SP3: variants seen among roughly 807,000 people sequenced by gnomAD.
The protein encoded by SP3 is transcription factor Sp3.
In SP3, 10 loss-of-function variants were observed where a neutral mutation model predicts 70.3. That is an observed-to-expected ratio of 0.14 (90% CI 0.09 to 0.24). The LOEUF (loss-of-function observed/expected upper bound fraction) is 0.24. Among genes scored for constraint, SP3 ranks in the 10% least tolerant of loss-of-function variants. The probability of loss-of-function intolerance (pLI) is 1.00; values close to 1 mark genes in which losing one functional copy is unlikely to be tolerated. For synonymous variants in SP3, 402 were observed against 333.5 expected, an observed-to-expected ratio of 1.21 and a Z score of -2.24; for missense variants, 825 against 914.6, an observed-to-expected ratio of 0.90 and a Z score of 1.26.
rs1161070302 is a variant in SP3 at position 173,903,121 on chromosome 2, ACT to A, written c.*6818_*6819del. Among the ~76,000 whole-genome samples the A allele has an allele frequency of 5.3e-5, 8 of 152,296 alleles. No homozygotes were observed. The highest frequency in any genetic ancestry group is 1.9e-4 in the African/African-American group (8 of 41,560). On this transcript the variant is annotated 3_prime_UTR_variant, in exon 7 of 7. Coordinates refer to ENST00000310015, the MANE Select transcript of SP3 (RefSeq NM_003111.5). Reference sequence around the variant, plus strand: ...CAAGGTGACTTAACAAGGTGAATTAACTCATTAATACAACAATAGTTGAAGAC... The same window carrying A: ...CAAGGTGACTTAACAAGGTGAATTAACATTAATACAACAATAGTTGAAGAC...
chr2:173,961,735 C>CT (rs1285747707), intron 3 of SP3, among the ~76,000 whole-genome samples: 1 of 152,120 alleles, frequency 6.6e-6, no homozygotes, highest in Non-Finnish European at 1.5e-5. Context: ...AAAAGATTAT[C>CT]TAAGCCCATG....
upstream of SP3, chr2:173,965,433 G>A (rs1574433179): frequency 1.9e-6 from 1 of 521,624 alleles, no homozygotes; most frequent in Admixed American, 3.6e-5. Flanking sequence ...GCTCTTTGTC[G>A]GCTGTGCTCA....
At chr2:173,965,018 G>A (rs1287054786) in intron 1 of SP3, 147 bp downstream of exon 1, 2 of 1,036,874 alleles carry the variant, frequency 1.9e-6, no homozygotes, top group Admixed American at 2.5e-5. Flanking sequence ...GGGGAGGGAG[G>A]CGCAGGGGAG....
intron 6 of SP3, among the ~76,000 whole-genome samples, chr2:173,912,025 C>T (rs1157308006): frequency 2.6e-5 from 4 of 152,066 alleles, no homozygotes; most frequent in African/African-American, 7.2e-5. Flanking sequence ...ACCATGTTGC[C>T]CAGGCTGGTC....
At position 173,904,830 on chromosome 2, in the gene SP3, G is replaced by A. The variant is rs780798348; in HGVS notation, c.*5111C>T. ...TGTATTTCGTTGTTGTCGATTAATC[G>A]GAGGCTTAGACTTTTTTTTGTGGGG... On this transcript the variant is annotated 3_prime_UTR_variant, in exon 7 of 7. Transcript: ENST00000310015. Among the ~76,000 whole-genome samples the A allele has an allele frequency of 6.6e-5, 10 of 152,094 alleles. No homozygotes were observed. The highest frequency in any genetic ancestry group is 1.3e-4 in the Non-Finnish European group (9 of 68,022).
chr2:173,939,830 A>T (rs1471684404), intron 4 of SP3, among the ~76,000 whole-genome samples: 2 of 151,614 alleles, frequency 1.3e-5, no homozygotes, highest in Admixed American at 6.6e-5. Flanking sequence ...AAATGTAAAA[A>T]TTTTTTTTAA....
Position 173,909,312 on chromosome 2 carries a change from A to C in SP3, c.*629T>G, listed in dbSNP as rs540847699. ...AATTAAATCTTAAACATGGCTTTTC[A>C]ACAGGATTTAAAAGGTGACTATCCC... On this transcript the variant is annotated 3_prime_UTR_variant, in exon 7 of 7. Coordinates refer to ENST00000310015, the MANE Select transcript of SP3 (RefSeq NM_003111.5). 3 of 152,606 alleles carry C rather than the reference A, an allele frequency of 2.0e-5. No individual in the cohort carries two copies. In the South Asian group the frequency reaches 6.2e-4, roughly 32 times the overall value. The allele number at this position is 152,606 out of a possible 1,614,324, so 9.5% of individuals were successfully genotyped here. A position where few individuals can be genotyped will look rare whatever the true frequency, so the allele number is the denominator to read the frequency against.
chr2:173,963,802 C>G lies in SP3; in HGVS notation c.238G>C (p.Glu80Gln). The stretch of plus-strand genomic sequence containing the variant: ...GGGGCCCCGGCTGCGGCGGCCGCCT[C>G]CTCCTCGTCGTCGCCCGGCGATGGC... ...GPPSPGDDEE[E>Q]AAAAAGAPAA... The change falls in exon 3 of 7, where the codon GAG becomes CAG. Residue 80 changes from glutamate (E) to glutamine (Q), a missense_variant. Glu to Gln is a conservative substitution (Grantham distance 29). Coordinates refer to ENST00000310015, the MANE Select transcript of SP3 (RefSeq NM_003111.5). 1 of 1,447,080 alleles carries G rather than the reference C, an allele frequency of 6.9e-7. No homozygotes were observed. The highest frequency in any genetic ancestry group is 9.2e-7 in the Non-Finnish European group (1 of 1,089,292). The allele number at this position is 1,447,080 out of a possible 1,614,324, so 89.6% of individuals were successfully genotyped here.
intron 4 of SP3, among the ~76,000 whole-genome samples, chr2:173,932,880 T>C (rs1690105144): frequency 6.6e-6 from 1 of 152,084 alleles, no homozygotes; most frequent in Non-Finnish European, 1.5e-5. Context: ...TAGTCCCAGC[T>C]ACTCGGGAGG....
chr2:173,962,942 C>T (rs941538832), intron 3 of SP3: 3 of 152,192 alleles, frequency 2.0e-5, no homozygotes, highest in South Asian at 2.1e-4. Flanking sequence ...ACACTGAAAA[C>T]ACTACAGAAA....
At chr2:173,920,044 C>T (rs74642126) in intron 4 of SP3, among the ~76,000 whole-genome samples, 6,228 of 152,150 alleles carry the variant, frequency 0.041, 198 homozygotes, top group Admixed American at 0.1. Context: ...AACTTACATG[C>T]AACAGAAATG....
intron 4 of SP3, among the ~76,000 whole-genome samples, chr2:173,921,954 T>C (rs116690218): frequency 2.7e-3 from 418 of 152,296 alleles, no homozygotes; most frequent in Non-Finnish European, 2.9e-3. Flanking sequence ...GACGTGCCCA[T>C]TCCCCATTTG....
chr2:173,956,960 C>T (rs1300467787), intron 3 of SP3, among the ~76,000 whole-genome samples: 1 of 152,002 alleles, frequency 6.6e-6, no homozygotes. Context: ...TGTATTAATA[C>T]AATTTGAGGG....
intron 4 of SP3, among the ~76,000 whole-genome samples, chr2:173,932,679 G>A (rs1690099190): frequency 6.6e-6 from 1 of 152,020 alleles, no homozygotes; most frequent in African/African-American, 2.4e-5. Context: ...CACTGATTAC[G>A]GATCACTGTT....
intron 4 of SP3, among the ~76,000 whole-genome samples, chr2:173,942,617 T>C (rs1013029440): frequency 1.3e-5 from 2 of 152,194 alleles, no homozygotes; most frequent in Non-Finnish European, 2.9e-5. Flanking sequence ...CCCTAAATTC[T>C]ACCTCCAGCC....
chr2:173,964,156 C>A (rs1691188560), intron 2 of SP3: 3 of 387,380 alleles, frequency 7.7e-6, no homozygotes. Flanking sequence ...CCGGAACCCA[C>A]CCCCGGGAGG....
intron 5 of SP3, chr2:173,916,829 CAAT>C (rs1689628716): frequency 6.6e-6 from 1 of 151,964 alleles, no homozygotes; most frequent in South Asian, 2.1e-4. Flanking sequence ...AAGATTATGA[CAAT>C]AAATTCCCAA....
chr2:173,944,598 T>C (rs1205081414), intron 4 of SP3, among the ~76,000 whole-genome samples: 1 of 152,210 alleles, frequency 6.6e-6, no homozygotes, highest in African/African-American at 2.4e-5. Context: ...GAGAACAAGC[T>C]GTAATAAAGT....
intron 4 of SP3, among the ~76,000 whole-genome samples, chr2:173,940,032 A>G (rs1690321314): frequency 6.6e-6 from 1 of 151,938 alleles, no homozygotes; most frequent in South Asian, 2.1e-4. Flanking sequence ...CATTACTGTG[A>G]CCAGCTAATT....
Sources: allele counts gnomAD v4.1 joint callset (sites outside exome capture counted in the v4.1 genomes callset), GRCh38; gene constraint gnomAD v4.1.1; transcripts MANE v1.5; gene names NCBI Gene and HGNC (gene_info 2026-07-23, HGNC 2026-07-21).